PRPSAP1: variants seen among roughly 807,000 people sequenced by gnomAD.
PRPSAP1 encodes phosphoribosyl pyrophosphate synthetase associated protein 1, also known as phosphoribosyl pyrophosphate synthase-associated protein 1.
Under a neutral mutation model 39.4 loss-of-function variants are expected in PRPSAP1, and 31 were observed. The ratio of observed to expected loss-of-function variants is 0.79; its 90% CI spans 0.59 to 1.06. The LOEUF (loss-of-function observed/expected upper bound fraction) is 1.06, where lower values mean the gene tolerates loss of function less well. PRPSAP1 is among the 50% of genes least tolerant of loss of function. PRPSAP1 has a pLI of 0.00. For synonymous variants in PRPSAP1, 212 were observed against 192.6 expected, an observed-to-expected ratio of 1.10 and a Z score of -0.83; for missense variants, 430 against 511.6, an observed-to-expected ratio of 0.84 and a Z score of 1.54.
intron 1 of PRPSAP1, among the ~76,000 whole-genome samples, chr17:76,352,739 C>CA (rs1261862746): frequency 6.6e-6 from 1 of 151,900 alleles, no homozygotes; most frequent in African/African-American, 2.4e-5. Context: ...AGCCCCTACT[C>CA]TGCTAGAACC....
chr17:76,311,821 G>C, intron 9 of PRPSAP1, 121 bp from the exon 10 acceptor site: 1 of 1,145,836 alleles, frequency 8.7e-7, no homozygotes. Context: ...ACAAAACCTT[G>C]TTCCACCGAG....
In PRPSAP1 at chr17:76,309,736, A is replaced by C. The variant is rs183997541; in HGVS notation, c.*1806T>G. ...AAGTCATCCAGGATGTGCATAGCTT[A>C]TATGCAGATACTACACCATTTTCTA... On this transcript the variant is annotated 3_prime_UTR_variant, in exon 10 of 10. Transcript: ENST00000446526. 1.3e-5 allele frequency: 2 copies of C among 152,216 alleles called. No individual in the cohort carries two copies. Among genetic ancestry groups the C allele is most frequent in the African/African-American group, 4.8e-5 (2 of 41,440 alleles). 9.4% of individuals were successfully genotyped at this position (152,216 alleles called of 1,614,324 possible). A position where few individuals can be genotyped will look rare whatever the true frequency, so the allele number is the denominator to read the frequency against.
At chr17:76,353,331 G>A (rs1199784138) in intron 1 of PRPSAP1, 2 of 548,684 alleles carry the variant, frequency 3.6e-6, no homozygotes, top group African/African-American at 2.0e-5. Flanking sequence ...AGGTCACCGA[G>A]AGTCCGCCCC....
At position 76,346,807 on chromosome 17, in the gene PRPSAP1, A is replaced by G. The variant is rs189005287; in HGVS notation, c.223+1722T>C. The stretch of plus-strand genomic sequence containing the variant: ...GCACTTTGGGAGGCTGAGGCAGGAG[A>G]ATTGCTCGAACCTGGGAGGCAGAGG... On this transcript the variant is annotated intron_variant, in intron 2 of 9. Transcript: ENST00000446526. Among the ~76,000 whole-genome samples the G allele has an allele frequency of 1.6e-4, 24 of 149,484 alleles. No individual in the cohort carries two copies. The East Asian group carries it at 4.3e-3, about 27-fold the overall frequency.
At chr17:76,344,792 GA>G in intron 2 of PRPSAP1, 55 bp from the exon 3 acceptor site, 1 of 1,379,280 alleles carries the variant, frequency 7.3e-7, no homozygotes. Context: ...TTAAAAAGGA[GA>G]AAAAAGAAAA....
chr17:76,348,418 A>G, intron 2 of PRPSAP1, 111 bp downstream of exon 2: 5 of 515,790 alleles, frequency 9.7e-6, no homozygotes, highest in Non-Finnish European at 1.4e-5. Flanking sequence ...GGTTGCAGTG[A>G]GCCAAGATCA....
upstream of PRPSAP1, chr17:76,354,009 C>CT: frequency 8.4e-7 from 1 of 1,194,500 alleles, no homozygotes. Context: ...TGGCGACTCT[C>CT]TAAAAGCCTG....
Position 76,344,739 on chromosome 17 carries a change from T to C in PRPSAP1, c.224-2A>G. The C allele has an allele frequency of 6.4e-7, 1 of 1,556,602 alleles. No homozygotes were observed. Among genetic ancestry groups the C allele is most frequent in the Non-Finnish European group, 8.8e-7 (1 of 1,142,536 alleles). On this transcript the variant is annotated splice_acceptor_variant, in intron 2 of 9. Transcript: ENST00000446526. LOFTEE classifies it high-confidence loss of function. ...ATTCTTTTATTTCAACTCTTGTTTC[T>C]GAAAAATAAAAATGTTCTGAAGTTT...
chr17:76,335,346 G>GT (rs1237528541), intron 3 of PRPSAP1, among the ~76,000 whole-genome samples: 4 of 151,614 alleles, frequency 2.6e-5, no homozygotes, highest in African/African-American at 7.3e-5. Context: ...AAGTAGTGAG[G>GT]TTTTTTTTGT....
intron 7 of PRPSAP1, among the ~76,000 whole-genome samples, chr17:76,324,602 C>CA (rs141820931): frequency 1.9e-3 from 258 of 138,146 alleles, no homozygotes; most frequent in Middle Eastern, 7.5e-3. Context: ...AACTCCATCT[C>CA]AAAAAAAAAA....
At chr17:76,326,891 T>C (rs557034610) in intron 7 of PRPSAP1, among the ~76,000 whole-genome samples, 48 of 151,612 alleles carry the variant, frequency 3.2e-4, no homozygotes, top group Admixed American at 1.8e-3. Flanking sequence ...TATTTAGGAA[T>C]GAAGGGACAT....
intron 3 of PRPSAP1, 41 bp from the exon 4 acceptor site, chr17:76,332,476 TATC>T: frequency 6.2e-7 from 1 of 1,606,442 alleles, no homozygotes; most frequent in Non-Finnish European, 8.5e-7. Context: ...TAATTCCATG[TATC>T]AACCCTAGAA....
At chr17:76,347,263 GATCA>G (rs955845293) in intron 2 of PRPSAP1, among the ~76,000 whole-genome samples, 1 of 151,924 alleles carries the variant, frequency 6.6e-6, no homozygotes, top group African/African-American at 2.4e-5. Flanking sequence ...AAGACGGGTG[GATCA>G]CCTGAGGTCA....
chr17:76,354,073 A>C, upstream of PRPSAP1: 1 of 1,053,678 alleles, frequency 9.5e-7, no homozygotes, highest in Non-Finnish European at 1.1e-6. Context: ...GACCGCTTCC[A>C]CGGGAGCTCT....
chr17:76,340,076 G>A (rs981078845), intron 3 of PRPSAP1, among the ~76,000 whole-genome samples: 2 of 150,684 alleles, frequency 1.3e-5, no homozygotes, highest in Non-Finnish European at 2.9e-5. Context: ...AGCCTGGGAG[G>A]TGGAGGCTGC....
intron 7 of PRPSAP1, among the ~76,000 whole-genome samples, chr17:76,316,839 T>C (rs1235868475): frequency 6.6e-6 from 1 of 152,170 alleles, no homozygotes; most frequent in African/African-American, 2.4e-5. Context: ...CCAAGTAAAA[T>C]AAAGCTGCAC....
intron 7 of PRPSAP1, among the ~76,000 whole-genome samples, chr17:76,327,158 A>T (rs750205934): frequency 1.7e-4 from 26 of 149,586 alleles, no homozygotes; most frequent in Non-Finnish European, 3.3e-4. Flanking sequence ...GACCAGCCTG[A>T]CCAACATGGT....
chr17:76,333,527 C>T (rs1598530455), intron 3 of PRPSAP1, among the ~76,000 whole-genome samples: 1 of 152,090 alleles, frequency 6.6e-6, no homozygotes, highest in South Asian at 2.1e-4. Context: ...TGCCTGTAGT[C>T]CCAGCTACTG....
chr17:76,314,145 AT>A, intron 7 of PRPSAP1: 1 of 492,744 alleles, frequency 2.0e-6, no homozygotes. Flanking sequence ...AAATTAATAC[AT>A]TTTATTTTAT....
Sources: gnomAD v4.1 joint callset for allele counts (sites outside exome capture counted in the v4.1 genomes callset) on GRCh38, gnomAD v4.1.1 for gene constraint, MANE v1.5 for transcripts, NCBI Gene and HGNC (gene_info 2026-07-23, HGNC 2026-07-21) for gene names.